Variants in CSMD1 observed in about 807,000 individuals in gnomAD.
CSMD1 encodes CUB and sushi domain-containing protein 1.
In CSMD1, 213 loss-of-function variants were observed where a neutral mutation model predicts 417.5. The observed-to-expected ratio is 0.51, with a 90% CI of 0.46 to 0.57. The LOEUF (loss-of-function observed/expected upper bound fraction) is 0.57. CSMD1 is among the 20% of genes least tolerant of loss of function. CSMD1 has a pLI of 0.00. For missense variants in CSMD1, 6,923 were observed against 4,529.7 expected (o/e 1.53, Z -15.17); for synonymous variants, 2,862 against 1,736.8 (o/e 1.65, Z -16.11).
At chr8:4,032,328 G>A (rs766170588) in intron 3 of CSMD1, among the ~76,000 whole-genome samples, 1 of 152,152 alleles carries the variant, frequency 6.6e-6, no homozygotes, top group Admixed American at 6.5e-5. Flanking sequence ...AATGCATTTT[G>A]TTAAGAGAGA....
At chr8:4,897,892 A>G (rs1212121349) in intron 1 of CSMD1, among the ~76,000 whole-genome samples, 2 of 152,146 alleles carry the variant, frequency 1.3e-5, no homozygotes, top group Non-Finnish European at 2.9e-5. Context: ...ATCGTAAACC[A>G]GAGCAAGGCG....
In CSMD1 at chr8:3,574,866, G is replaced by C. The variant is rs1481300035; in HGVS notation, c.1344+79C>G. 4.1e-6 allele frequency: 6 copies of C among 1,479,412 alleles called. No homozygotes were observed. In the African/African-American group the frequency reaches 7.0e-5, roughly 17 times the overall value. The allele number at this position is 1,479,412 out of a possible 1,614,324, so 91.6% of individuals were successfully genotyped here. ...TAAAGTGTAAGCACGGATAGCATTTGCTGGGCTGTTTGCTTCAACAATAGA... is the reference window on the plus strand; with the variant it reads ...TAAAGTGTAAGCACGGATAGCATTTCCTGGGCTGTTTGCTTCAACAATAGA... On this transcript the variant is annotated intron_variant, in intron 10 of 69. Transcript: ENST00000635120.
intron 40 of CSMD1, among the ~76,000 whole-genome samples, chr8:3,144,993 A>G (rs1185964803): frequency 1.3e-5 from 2 of 152,094 alleles, no homozygotes; most frequent in Non-Finnish European, 2.9e-5. Context: ...TATGCCCACA[A>G]ATCTAATAAG....
chr8:3,251,894 T>A (rs1800294121), intron 26 of CSMD1, among the ~76,000 whole-genome samples: 1 of 152,220 alleles, frequency 6.6e-6, no homozygotes. Context: ...AGAATGCTTG[T>A]GATTTTTGCA....
chr8:3,098,867 T>C (rs116429773), intron 46 of CSMD1, among the ~76,000 whole-genome samples: 44 of 152,038 alleles, frequency 2.9e-4, no homozygotes, highest in Middle Eastern at 3.4e-3. Context: ...CTCAGGGTTT[T>C]AATTAGAGCC....
intron 2 of CSMD1, among the ~76,000 whole-genome samples, chr8:4,425,926 C>G (rs936602886): frequency 4.0e-5 from 6 of 151,766 alleles, no homozygotes; most frequent in Non-Finnish European, 8.8e-5. Context: ...TAGTGTTTTA[C>G]AAAAAATACA....
chr8:3,154,993 A>T (rs1288535704), intron 39 of CSMD1, among the ~76,000 whole-genome samples: 1 of 152,224 alleles, frequency 6.6e-6, no homozygotes, highest in African/African-American at 2.4e-5. Context: ...TGAGTTTTTA[A>T]AACAATGAAA....
intron 12 of CSMD1, among the ~76,000 whole-genome samples, chr8:3,459,201 G>A (rs906287799): frequency 6.6e-6 from 1 of 152,212 alleles, no homozygotes; most frequent in Non-Finnish European, 1.5e-5. Flanking sequence ...TTGCTCTGTG[G>A]TGGCTGCACC....
chr8:4,230,405 G>A (rs1428363940), intron 3 of CSMD1, among the ~76,000 whole-genome samples: 5 of 152,130 alleles, frequency 3.3e-5, no homozygotes, highest in African/African-American at 1.2e-4. Context: ...AAATGATCTT[G>A]TATATAATCC....
At chr8:4,912,182 G>A (rs1805733252) in intron 1 of CSMD1, among the ~76,000 whole-genome samples, 1 of 128,624 alleles carries the variant, frequency 7.8e-6, no homozygotes, top group African/African-American at 2.7e-5. Flanking sequence ...AAAAGACAAT[G>A]CATAAAATTA....
chr8:3,868,072 T>G (rs1209200253), intron 5 of CSMD1, among the ~76,000 whole-genome samples: 1 of 152,108 alleles, frequency 6.6e-6, no homozygotes, highest in Non-Finnish European at 1.5e-5. Flanking sequence ...CATTGCCATA[T>G]CTCTCATGAT....
intron 1 of CSMD1, among the ~76,000 whole-genome samples, chr8:4,764,164 G>T (rs566997925): frequency 6.6e-6 from 1 of 152,166 alleles, no homozygotes; most frequent in African/African-American, 2.4e-5. Flanking sequence ...TCTCTAAGGA[G>T]CACCCACTGC....
intron 11 of CSMD1, among the ~76,000 whole-genome samples, chr8:3,479,032 C>A (rs1036161914): frequency 6.6e-6 from 1 of 151,974 alleles, no homozygotes; most frequent in Non-Finnish European, 1.5e-5. Flanking sequence ...CCCATGCACT[C>A]CAAGCCTGGG....
At chr8:4,138,883 T>A (rs74682833) in intron 3 of CSMD1, among the ~76,000 whole-genome samples, 44,930 of 151,902 alleles carry the variant, frequency 0.3, 8,062 homozygotes, top group Non-Finnish European at 0.39. Flanking sequence ...GAAGGTTAAT[T>A]TATATTTAAT....
chr8:3,944,936 T>C (rs1039987691), intron 5 of CSMD1, among the ~76,000 whole-genome samples: 8 of 152,288 alleles, frequency 5.3e-5, no homozygotes, highest in Admixed American at 2.0e-4. Flanking sequence ...CTCACTTTGT[T>C]ATTCTTCGAC....
At chr8:3,831,638 C>G (rs1044451381) in intron 5 of CSMD1, among the ~76,000 whole-genome samples, 1 of 152,112 alleles carries the variant, frequency 6.6e-6, no homozygotes, top group Non-Finnish European at 1.5e-5. Context: ...ATGGGTTTTC[C>G]TTCAAAAGGA....
At chr8:4,351,051 G>A (rs897536398) in intron 3 of CSMD1, among the ~76,000 whole-genome samples, 4 of 151,964 alleles carry the variant, frequency 2.6e-5, no homozygotes, top group African/African-American at 9.7e-5. Flanking sequence ...AATCTGCCTG[G>A]CTCAGACCAG....
chr8:2,966,514 C>T (rs1406976268), intron 58 of CSMD1, 56 bp downstream of exon 58: 1 of 1,502,194 alleles, frequency 6.7e-7, no homozygotes, highest in African/African-American at 1.4e-5. Flanking sequence ...TTTTTTTTCC[C>T]AATGGAGTGA....
In CSMD1 at chr8:3,412,050, A is replaced by G. The variant is rs796727631; in HGVS notation, c.1562-2445T>C. ...CGTATATATACACATATATACACGT[A>G]TATATACACACGTATATATACATAT... is the stretch of plus-strand genomic sequence containing the variant. On this transcript the variant is annotated intron_variant, in intron 12 of 69. Coordinates refer to ENST00000635120, the MANE Select transcript of CSMD1 (RefSeq NM_033225.6). Among the ~76,000 whole-genome samples the G allele has an allele frequency of 5.8e-3, 322 of 55,306 alleles. 70 individuals carry two copies. Among genetic ancestry groups the G allele is most frequent in the African/African-American group, 0.014 (167 of 11,956 alleles). 36.3% of individuals were successfully genotyped at this position (55,306 alleles called of 152,430 possible). A position where few individuals can be genotyped will look rare whatever the true frequency, so the allele number is the denominator to read the frequency against.
Sources: allele counts gnomAD v4.1 joint callset (sites outside exome capture counted in the v4.1 genomes callset), GRCh38; gene constraint gnomAD v4.1.1; transcripts MANE v1.5; gene names NCBI Gene and HGNC (gene_info 2026-07-23, HGNC 2026-07-21).